CAMTA1: variants seen among roughly 807,000 people sequenced by gnomAD.
CAMTA1 encodes the protein calmodulin-binding transcription activator 1.
In CAMTA1, 27 loss-of-function variants were observed where a neutral mutation model predicts 170.9. That is an observed-to-expected ratio of 0.16 (90% CI 0.12 to 0.22). The LOEUF is 0.22. Among genes scored for constraint, CAMTA1 ranks in the 10% least tolerant of loss-of-function variants. CAMTA1 has a pLI of 1.00. For missense variants in CAMTA1, 1,619 were observed against 2,217.2 expected (o/e 0.73, Z 5.42); for synonymous variants, 833 against 891.5 (o/e 0.93, Z 1.17).
chr1:6,987,924 C>T (rs1695630736), intron 3 of CAMTA1, among the ~76,000 whole-genome samples: 1 of 152,156 alleles, frequency 6.6e-6, no homozygotes, highest in Non-Finnish European at 1.5e-5. Context: ...CGGCGTCTGT[C>T]ATCTTTGATC....
At chr1:7,084,687 C>A (rs751935797) in intron 3 of CAMTA1, among the ~76,000 whole-genome samples, 1 of 152,176 alleles carries the variant, frequency 6.6e-6, no homozygotes, top group Non-Finnish European at 1.5e-5. Context: ...GCCGTTGGCT[C>A]CAGGAGGCAT....
chr1:7,430,123 T>C (rs1267456826), intron 5 of CAMTA1, among the ~76,000 whole-genome samples: 4 of 152,146 alleles, frequency 2.6e-5, no homozygotes, highest in Non-Finnish European at 5.9e-5. Flanking sequence ...GGGATGTTGA[T>C]GACAATGATG....
At chr1:7,203,398 G>A (rs537205424) in intron 4 of CAMTA1, among the ~76,000 whole-genome samples, 2 of 151,946 alleles carry the variant, frequency 1.3e-5, no homozygotes, top group South Asian at 4.2e-4. Context: ...TTTTTTGAAA[G>A]AGTTTGTGAA....
chr1:7,717,045 T>G (rs1396941766), intron 11 of CAMTA1, among the ~76,000 whole-genome samples: 2 of 152,184 alleles, frequency 1.3e-5, no homozygotes, highest in East Asian at 3.9e-4. Context: ...CCACATGATC[T>G]CACTCCTAGG....
chr1:6,815,209 TC>T (rs1645640774), intron 1 of CAMTA1, among the ~76,000 whole-genome samples: 1 of 152,004 alleles, frequency 6.6e-6, no homozygotes, highest in Non-Finnish European at 1.5e-5. Flanking sequence ...CTTGGGTATT[TC>T]TTTTTTTTTT....
chr1:7,471,742 A>G (rs906468890), intron 6 of CAMTA1, among the ~76,000 whole-genome samples: 3 of 152,220 alleles, frequency 2.0e-5, no homozygotes, highest in African/African-American at 7.2e-5. Flanking sequence ...TAGAGGAGGC[A>G]TGAAGGGGTG....
chr1:7,386,607 G>A (rs886946588), intron 5 of CAMTA1, among the ~76,000 whole-genome samples: 1 of 152,106 alleles, frequency 6.6e-6, no homozygotes, highest in African/African-American at 2.4e-5. Flanking sequence ...TCCTAAGAAG[G>A]CCGTGCACCT....
At position 7,293,098 on chromosome 1, in the gene CAMTA1, G is replaced by A. The variant is rs1293365684; in HGVS notation, c.438+43472G>A. On this transcript the variant is annotated intron_variant, in intron 5 of 22. Coordinates refer to ENST00000303635, the MANE Select transcript of CAMTA1 (RefSeq NM_015215.4). The surrounding 1 kb of genome is among the most constrained non-coding windows in gnomAD (Gnocchi z 4.1). The stretch of plus-strand genomic sequence containing the variant: ...CTGGAGCTTCCAGAGCCCAGGCTTC[G>A]TTGCTTTTCTGCTGTATTCCTGCCC... Among the ~76,000 whole-genome samples the A allele has an allele frequency of 4.6e-5, 7 of 152,146 alleles. No homozygotes were observed. Among genetic ancestry groups the A allele is most frequent in the Admixed American group, 3.9e-4 (6 of 15,264 alleles).
chr1:7,031,840 C>A (rs1557998885), intron 3 of CAMTA1, among the ~76,000 whole-genome samples: 2 of 152,154 alleles, frequency 1.3e-5, no homozygotes, highest in Non-Finnish European at 1.5e-5. Context: ...CACGCCCAGC[C>A]AATCTCTGTC....
At chr1:7,002,708 G>T (rs1300523542) in intron 3 of CAMTA1, among the ~76,000 whole-genome samples, 1 of 152,134 alleles carries the variant, frequency 6.6e-6, no homozygotes. Context: ...CTACCATCTA[G>T]CCCATGTGCC....
chr1:7,372,716 TG>T (rs2086569170), intron 5 of CAMTA1, among the ~76,000 whole-genome samples: 2 of 152,208 alleles, frequency 1.3e-5, no homozygotes, highest in Admixed American at 6.5e-5. Flanking sequence ...ACAGCAGCCT[TG>T]GAGCCCCATG....
At chr1:6,868,201 T>C (rs918914181) in intron 3 of CAMTA1, among the ~76,000 whole-genome samples, 22 of 152,110 alleles carry the variant, frequency 1.4e-4, no homozygotes, top group African/African-American at 5.3e-4. Context: ...AGCGATCTTG[T>C]AAAGAGTTAG....
intron 3 of CAMTA1, among the ~76,000 whole-genome samples, chr1:6,886,600 A>G (rs1483845675): frequency 6.6e-6 from 1 of 152,246 alleles, no homozygotes; most frequent in Admixed American, 6.5e-5. Context: ...CATTTTGTCC[A>G]CTGGAATTAA....
At chr1:7,587,713 G>A (rs1028423165) in intron 6 of CAMTA1, among the ~76,000 whole-genome samples, 1 of 151,976 alleles carries the variant, frequency 6.6e-6, no homozygotes, top group Non-Finnish European at 1.5e-5. Flanking sequence ...GCAGACACCT[G>A]GGCTCCCCCG....
intron 6 of CAMTA1, among the ~76,000 whole-genome samples, chr1:7,483,763 T>G (rs2093574852): frequency 6.6e-6 from 1 of 152,038 alleles, no homozygotes; most frequent in African/African-American, 2.4e-5. Flanking sequence ...TCCTGCAGCC[T>G]CCTGCTGACT....
At chr1:6,954,368 T>C (rs1689070592) in intron 3 of CAMTA1, among the ~76,000 whole-genome samples, 1 of 152,194 alleles carries the variant, frequency 6.6e-6, no homozygotes, top group Non-Finnish European at 1.5e-5. Context: ...CTCGAGCTGT[T>C]GGGGTGTGGA....
intron 3 of CAMTA1, among the ~76,000 whole-genome samples, chr1:6,961,803 G>T (rs931232209): frequency 6.6e-6 from 1 of 152,258 alleles, no homozygotes; most frequent in Non-Finnish European, 1.5e-5. Context: ...GGACTAGACT[G>T]ATTCTTTCTC....
At chr1:6,830,080 A>T (rs1224187854) in intron 3 of CAMTA1, among the ~76,000 whole-genome samples, 1 of 151,058 alleles carries the variant, frequency 6.6e-6, no homozygotes, top group Non-Finnish European at 1.5e-5. Flanking sequence ...TCTGTCGCCC[A>T]GGCTGGAGTG....
intron 5 of CAMTA1, among the ~76,000 whole-genome samples, chr1:7,270,539 G>T (rs28567714): frequency 0.12 from 17,565 of 151,880 alleles, 1,801 homozygotes; most frequent in African/African-American, 0.27. Context: ...CAGGTGATCC[G>T]CCTGCCTTGG....
Sources: gnomAD v4.1 joint callset for allele counts (sites outside exome capture counted in the v4.1 genomes callset) on GRCh38, gnomAD v4.1.1 for gene constraint, Gnocchi (gnomAD v3.1) non-coding constraint, MANE v1.5 for transcripts, NCBI Gene and HGNC (gene_info 2026-07-23, HGNC 2026-07-21) for gene names.